UNC13C: variants seen among roughly 807,000 people sequenced by gnomAD.
The protein encoded by UNC13C is protein unc-13 homolog C.
Under a neutral mutation model 245.4 loss-of-function variants are expected in UNC13C, and 174 were observed. The ratio of observed to expected loss-of-function variants is 0.71; its 90% CI spans 0.63 to 0.80. UNC13C has a LOEUF of 0.80. Among genes scored for constraint, UNC13C ranks in the 30% least tolerant of loss-of-function variants. UNC13C has a pLI of 0.00. For synonymous variants in UNC13C, 992 were observed against 895.1 expected (o/e 1.11, Z -1.93); for missense variants, 2,829 against 2,602.9 (o/e 1.09, Z -1.89).
chr15:54,387,210 C>T (rs1201499578), intron 17 of UNC13C, among the ~76,000 whole-genome samples: 1 of 152,150 alleles, frequency 6.6e-6, no homozygotes, highest in East Asian at 1.9e-4. Flanking sequence ...TGCTCCGTGA[C>T]AAAGCAGGGC....
rs199898271 is a variant in UNC13C at position 54,500,211 on chromosome 15, T to C, written c.5157+36T>C. On this transcript the variant is annotated intron_variant, in intron 21 of 32. Transcript: ENST00000260323. ...ATTACCTTAAGAAAGTTCATTGCCA[T>C]GATTCAGTCACATTGCTTACTTTTA... 1.3e-3 allele frequency: 1,912 copies of C among 1,470,610 alleles called. 31 individuals carry two copies. The South Asian group carries it at 0.018, about 14-fold the overall frequency. The allele number at this position is 1,470,610 out of a possible 1,614,324, so 91.1% of individuals were successfully genotyped here. A position where few individuals can be genotyped will look rare whatever the true frequency, so the allele number is the denominator to read the frequency against.
intron 2 of UNC13C, among the ~76,000 whole-genome samples, chr15:54,037,571 TA>T (rs113990682): frequency 0.045 from 6,803 of 152,200 alleles, 416 homozygotes; most frequent in African/African-American, 0.14. Context: ...AATTTATATA[TA>T]TTTTTTTAAA....
At chr15:54,118,736 G>A (rs983471471) in intron 2 of UNC13C, among the ~76,000 whole-genome samples, 7 of 151,968 alleles carry the variant, frequency 4.6e-5, no homozygotes, top group African/African-American at 9.7e-5. Flanking sequence ...TTGAGGAAAC[G>A]CTTTTAATTT....
intron 1 of UNC13C, among the ~76,000 whole-genome samples, chr15:53,997,782 A>G (rs1566938751): frequency 6.6e-6 from 1 of 151,964 alleles, no homozygotes; most frequent in Non-Finnish European, 1.5e-5. Flanking sequence ...TTAATCCTCC[A>G]ATATTGTTTT....
intron 19 of UNC13C, among the ~76,000 whole-genome samples, chr15:54,467,651 C>G (rs1892251680): frequency 2.6e-5 from 4 of 151,666 alleles, no homozygotes; most frequent in Admixed American, 2.6e-4. Flanking sequence ...CTCCCATCAG[C>G]CTCTGATAAC....
chr15:54,598,348 G>A (rs1033784702), intron 30 of UNC13C, among the ~76,000 whole-genome samples: 2 of 152,180 alleles, frequency 1.3e-5, no homozygotes, highest in Admixed American at 1.3e-4. Flanking sequence ...GCCCACCTCG[G>A]CCTCCCAAAG....
At chr15:53,918,517 C>T in the UNC13C span, among the ~76,000 whole-genome samples, 3 of 152,162 alleles carry the variant, frequency 2.0e-5, no homozygotes, top group Non-Finnish European at 4.4e-5. Flanking sequence ...AGTCCATGAC[C>T]TTGATATTTT....
At chr15:53,907,100 G>A in the UNC13C span, among the ~76,000 whole-genome samples, 2 of 152,084 alleles carry the variant, frequency 1.3e-5, no homozygotes, top group Non-Finnish European at 2.9e-5. Context: ...TTGTTTGTTT[G>A]GTTGATTTTT....
chr15:54,436,490 A>C (rs1199854775), intron 19 of UNC13C, among the ~76,000 whole-genome samples: 1 of 152,034 alleles, frequency 6.6e-6, no homozygotes, highest in Non-Finnish European at 1.5e-5. Flanking sequence ...GCCATAAAAA[A>C]GGATGAGTTC....
At chr15:54,420,496 G>T (rs2040617686) in intron 19 of UNC13C, among the ~76,000 whole-genome samples, 1 of 151,898 alleles carries the variant, frequency 6.6e-6, no homozygotes, top group Non-Finnish European at 1.5e-5. Flanking sequence ...AGCTTGTTCA[G>T]TGTGGGAGAG....
chr15:53,931,530 T>G, the UNC13C span, among the ~76,000 whole-genome samples: 1 of 152,024 alleles, frequency 6.6e-6, no homozygotes, highest in Admixed American at 6.6e-5. Context: ...TGCATATGTG[T>G]GTACAAATTG....
At chr15:54,307,594 TG>T (rs1567175930) in intron 13 of UNC13C, among the ~76,000 whole-genome samples, 2 of 151,826 alleles carry the variant, frequency 1.3e-5, no homozygotes, top group African/African-American at 2.4e-5. Context: ...GTAACAAGCA[TG>T]GGGGCTATAA....
At chr15:54,543,238 T>C (rs1282769168) in intron 26 of UNC13C, among the ~76,000 whole-genome samples, 4 of 152,110 alleles carry the variant, frequency 2.6e-5, no homozygotes, top group Admixed American at 6.6e-5. Flanking sequence ...TAAAGGATTT[T>C]ATGTCTCCTT....
At chr15:54,331,323 A>T (rs908600209) in intron 14 of UNC13C, among the ~76,000 whole-genome samples, 1 of 152,024 alleles carries the variant, frequency 6.6e-6, no homozygotes, top group African/African-American at 2.4e-5. Context: ...TGTTTAATCC[A>T]CCCAACTTTA....
intron 19 of UNC13C, among the ~76,000 whole-genome samples, chr15:54,461,905 C>T (rs1476916629): frequency 6.6e-6 from 1 of 152,172 alleles, no homozygotes; most frequent in Non-Finnish European, 1.5e-5. Flanking sequence ...GAAATAATAA[C>T]TTCTGAGAGT....
chr15:53,966,457 T>G, the UNC13C span, among the ~76,000 whole-genome samples: 50 of 152,320 alleles, frequency 3.3e-4, no homozygotes, highest in Admixed American at 2.6e-3. Context: ...TCCTTGAGTT[T>G]TTAAATGTTT....
At chr15:54,553,701 G>A (rs1194061616) in intron 28 of UNC13C, among the ~76,000 whole-genome samples, 4 of 151,042 alleles carry the variant, frequency 2.6e-5, no homozygotes, top group African/African-American at 9.7e-5. Context: ...CTCTTTCAGA[G>A]ATCCCCTTAC....
intron 2 of UNC13C, among the ~76,000 whole-genome samples, chr15:54,091,731 A>T (rs199701491): frequency 0.079 from 11,925 of 151,506 alleles, 939 homozygotes; most frequent in African/African-American, 0.19. Context: ...CTTTCTAAAA[A>T]TTTTGTTATC....
intron 4 of UNC13C, among the ~76,000 whole-genome samples, chr15:54,149,048 T>C (rs1433211118): frequency 6.6e-6 from 1 of 152,128 alleles, no homozygotes; most frequent in East Asian, 1.9e-4. Flanking sequence ...GCTGTTCTCC[T>C]GCTAGGGAGT....
Sources: allele counts gnomAD v4.1 joint callset (sites outside exome capture counted in the v4.1 genomes callset), GRCh38; gene constraint gnomAD v4.1.1; transcripts MANE v1.5; gene names NCBI Gene and HGNC (gene_info 2026-07-23, HGNC 2026-07-21).